The following CALN1 variants were observed in gnomAD, a reference collection of about 807,000 sequenced individuals.
The protein encoded by CALN1 is calneuron 1, also known as calcium-binding protein 8.
Under a neutral mutation model 30.6 loss-of-function variants are expected in CALN1, and 17 were observed. That is an observed-to-expected ratio of 0.56 (90% CI 0.38 to 0.83). The LOEUF is 0.83. Among genes scored for constraint, CALN1 ranks in the 40% least tolerant of loss-of-function variants. The pLI is 0.00. For missense variants in CALN1, 291 were observed against 354.9 expected (o/e 0.82, Z 1.45); for synonymous variants, 156 against 131.4 (o/e 1.19, Z -1.28).
intron 5 of CALN1, among the ~76,000 whole-genome samples, chr7:71,994,480 C>A (rs1799136299): frequency 1.4e-5 from 2 of 145,912 alleles, no homozygotes; most frequent in Admixed American, 6.9e-5. Context: ...CCACTGCACT[C>A]CACCCTGGGC....
At chr7:72,023,947 CTG>C (rs1273578916) in intron 4 of CALN1, among the ~76,000 whole-genome samples, 178 bp from the exon 5 acceptor site, 5 of 152,198 alleles carry the variant, frequency 3.3e-5, no homozygotes, top group African/African-American at 1.2e-4. Context: ...CCACAAGAAA[CTG>C]GCAATTATTA....
chr7:71,977,411 G>A (rs749947921), intron 5 of CALN1, among the ~76,000 whole-genome samples: 4 of 151,866 alleles, frequency 2.6e-5, no homozygotes, highest in Non-Finnish European at 5.9e-5. Context: ...CTCCAGTCTG[G>A]GCAACACAGC....
At chr7:71,869,184 T>G (rs577518095) in intron 5 of CALN1, among the ~76,000 whole-genome samples, 1 of 152,048 alleles carries the variant, frequency 6.6e-6, no homozygotes, top group Admixed American at 6.5e-5. Context: ...AGAGAATACA[T>G]TCAACTTTTT....
intron 4 of CALN1, among the ~76,000 whole-genome samples, chr7:72,075,912 G>A (rs934171947): frequency 1.5e-4 from 23 of 152,194 alleles, no homozygotes; most frequent in South Asian, 2.1e-4. Flanking sequence ...GGATCTGAGA[G>A]TGGATGTCTC....
chr7:72,391,687 G>A lies in CALN1; in HGVS notation c.119+11564C>T, dbSNP rs201770805. 1.7e-4 allele frequency among the ~76,000 whole-genome samples: 26 copies of A among 152,194 alleles called. No individual in the cohort carries two copies. The East Asian group carries it at 4.4e-3, about 26-fold the overall frequency. On this transcript the variant is annotated intron_variant, in intron 2 of 6. Transcript: ENST00000395275. The stretch of plus-strand genomic sequence containing the variant: ...AAAAGATCTGATGGTTTAATAAATG[G>A]GAGTTCCCCTGCACAAGTTTTTTTG...
chr7:72,299,369 A>G (rs948035209), intron 2 of CALN1, among the ~76,000 whole-genome samples: 1 of 152,232 alleles, frequency 6.6e-6, no homozygotes, highest in Admixed American at 6.5e-5. Flanking sequence ...ACACAATAAG[A>G]GACTATTTAA....
chr7:72,055,737 C>G (rs1366363013), intron 4 of CALN1, among the ~76,000 whole-genome samples: 1 of 152,136 alleles, frequency 6.6e-6, no homozygotes, highest in Non-Finnish European at 1.5e-5. Flanking sequence ...TAGCACCAAG[C>G]TGAGTGGCTC....
chr7:72,219,696 C>A (rs1562756076), intron 3 of CALN1, among the ~76,000 whole-genome samples: 1 of 146,054 alleles, frequency 6.8e-6, no homozygotes, highest in Non-Finnish European at 1.5e-5. Context: ...TGCACACATG[C>A]AATGCACACA....
intron 1 of CALN1, among the ~76,000 whole-genome samples, chr7:72,441,597 C>CAAAA (rs56230554): frequency 6.3e-5 from 5 of 79,538 alleles, no homozygotes; most frequent in African/African-American, 2.0e-4. Flanking sequence ...CACTCCGTCT[C>CAAAA]AAAAAAAAAA....
intron 4 of CALN1, among the ~76,000 whole-genome samples, chr7:72,104,911 C>T (rs1259693893): frequency 2.6e-5 from 4 of 151,860 alleles, no homozygotes; most frequent in Admixed American, 6.6e-5. Flanking sequence ...GAGTTGAGAT[C>T]GCATCACTGT....
intron 5 of CALN1, among the ~76,000 whole-genome samples, chr7:71,931,759 G>A (rs909800869): frequency 6.6e-6 from 1 of 152,190 alleles, no homozygotes. Flanking sequence ...TGAGGAGGGT[G>A]ATGATGGGAG....
chr7:72,395,665 G>C (rs977080083), intron 2 of CALN1, among the ~76,000 whole-genome samples: 1 of 152,070 alleles, frequency 6.6e-6, no homozygotes, highest in Non-Finnish European at 1.5e-5. Flanking sequence ...CAAGAGGTGG[G>C]GTCCAAGAAT....
chr7:72,234,439 G>A (rs184409204), intron 3 of CALN1, among the ~76,000 whole-genome samples: 1 of 151,780 alleles, frequency 6.6e-6, no homozygotes, highest in African/African-American at 2.4e-5. Context: ...GTCTTTTTTT[G>A]TTTTGTTTTG....
chr7:71,849,130 A>G (rs1174516542), intron 5 of CALN1, among the ~76,000 whole-genome samples: 1 of 152,172 alleles, frequency 6.6e-6, no homozygotes, highest in Non-Finnish European at 1.5e-5. Flanking sequence ...TAACCATTTT[A>G]GAATTCTTAT....
At chr7:72,118,941 G>C (rs1318524029) in intron 3 of CALN1, among the ~76,000 whole-genome samples, 5 of 152,218 alleles carry the variant, frequency 3.3e-5, no homozygotes, top group East Asian at 3.9e-4. Flanking sequence ...TGTTCAGAAT[G>C]GGTTTTAAAA....
intron 4 of CALN1, among the ~76,000 whole-genome samples, chr7:72,041,406 C>T (rs1361075944): frequency 3.3e-5 from 5 of 151,932 alleles, no homozygotes; most frequent in African/African-American, 1.2e-4. Context: ...ATTTTTGAGA[C>T]AGCATCTGGC....
chr7:72,291,488 A>C (rs1798473935), intron 2 of CALN1, among the ~76,000 whole-genome samples: 1 of 152,152 alleles, frequency 6.6e-6, no homozygotes, highest in Non-Finnish European at 1.5e-5. Flanking sequence ...TCATTACATT[A>C]ATTCCTTAAC....
intron 5 of CALN1, among the ~76,000 whole-genome samples, chr7:71,957,041 A>ATCTC (rs1474776316): frequency 1.3e-5 from 2 of 151,932 alleles, no homozygotes; most frequent in African/African-American, 4.8e-5. Context: ...ATCTCCCTTC[A>ATCTC]CGGGAGCTTT....
chr7:71,992,782 G>A (rs575797320), intron 5 of CALN1, among the ~76,000 whole-genome samples: 20 of 152,276 alleles, frequency 1.3e-4, no homozygotes, highest in African/African-American at 2.4e-4. Context: ...GAGACCAGCC[G>A]AAATATCGTT....
Sources: allele counts gnomAD v4.1 joint callset (sites outside exome capture counted in the v4.1 genomes callset), GRCh38; gene constraint gnomAD v4.1.1; transcripts MANE v1.5; gene names NCBI Gene and HGNC (gene_info 2026-07-23, HGNC 2026-07-21).